GARIN4: variants seen among roughly 807,000 people sequenced by gnomAD.
GARIN4 encodes the protein Golgi-associated RAB2 interactor protein 4.
chr1:212,625,329 T>C, the GARIN4 span: 2 of 1,614,260 alleles, frequency 1.2e-6, no homozygotes, highest in South Asian at 2.2e-5. Context: ...TCTTGCTATC[T>C]GCAATTGTGT....
At chr1:212,625,366 C>G in the GARIN4 span, 4 of 1,614,256 alleles carry the variant, frequency 2.5e-6, no homozygotes, top group East Asian at 2.2e-5. Context: ...GGGATGACCT[C>G]TTTGCCTATT....
chr1:212,625,511 G>A, the GARIN4 span: 5 of 1,614,236 alleles, frequency 3.1e-6, no homozygotes, highest in Middle Eastern at 1.6e-4. Context: ...GAACCTTCAA[G>A]GAAAGGGGGA....
chr1:212,626,340 A>T, the GARIN4 span: 40 of 1,614,136 alleles, frequency 2.5e-5, no homozygotes, highest in African/African-American at 4.0e-4. Flanking sequence ...AGGCACAGGG[A>T]CTCGCATAAA....
At chr1:212,625,136 C>G in the GARIN4 span, 16 of 1,614,036 alleles carry the variant, frequency 9.9e-6, no homozygotes, top group Admixed American at 1.8e-4. Flanking sequence ...AGATGTCATG[C>G]TACTGGCACG....
the GARIN4 span, chr1:212,626,052 G>C: frequency 6.8e-6 from 11 of 1,614,102 alleles, no homozygotes; most frequent in African/African-American, 1.5e-4. Context: ...GCAGCAGCGG[G>C]ACCTCCCGTC....
At chr1:212,624,669 C>T in the GARIN4 span, 5 of 844,294 alleles carry the variant, frequency 5.9e-6, no homozygotes, top group Admixed American at 3.4e-5. Context: ...GCACCCCCCA[C>T]AGCAATCATC....
the GARIN4 span, chr1:212,624,523 T>A: frequency 5.8e-6 from 1 of 171,924 alleles, no homozygotes; most frequent in Non-Finnish European, 1.2e-5. Context: ...GTAGTCTCTC[T>A]CAGGGAGAGA....
the GARIN4 span, chr1:212,625,877 A>G: frequency 1.9e-6 from 3 of 1,614,266 alleles, no homozygotes; most frequent in Non-Finnish European, 2.5e-6. Flanking sequence ...AGGCACTGCC[A>G]GCATGGCTCC....
the GARIN4 span, chr1:212,625,349 G>A: frequency 6.2e-7 from 1 of 1,614,244 alleles, no homozygotes; most frequent in Admixed American, 1.7e-5. Flanking sequence ...TCCCGCTCTT[G>A]ACACACGGGA....
chr1:212,625,733 G>A, the GARIN4 span: 1 of 1,613,948 alleles, frequency 6.2e-7, no homozygotes, highest in South Asian at 1.1e-5. Flanking sequence ...GGCAGCTGCA[G>A]GGGCAGCAAC....
At chr1:212,626,762 T>C in the GARIN4 span, 1 of 1,480,080 alleles carries the variant, frequency 6.8e-7, no homozygotes, top group Non-Finnish European at 9.1e-7. Flanking sequence ...AAATAAAGAA[T>C]CATACATCTG....
At chr1:212,626,023 T>C in the GARIN4 span, 1 of 1,614,188 alleles carries the variant, frequency 6.2e-7, no homozygotes, top group Non-Finnish European at 8.5e-7. Flanking sequence ...GCAGGACAGC[T>C]GCAGAAGCAG....
chr1:212,625,914 G>C, the GARIN4 span: 1 of 1,614,192 alleles, frequency 6.2e-7, no homozygotes, highest in Non-Finnish European at 8.5e-7. Context: ...GCTGTGGCAG[G>C]GGCTGCAGGC....
chr1:212,626,429 G>A, the GARIN4 span: 78 of 1,614,196 alleles, frequency 4.8e-5, no homozygotes, highest in African/African-American at 6.8e-4. Context: ...CACCAGTTCC[G>A]GTTCCAGCAA....
chr1:212,626,445 T>C, the GARIN4 span: 1 of 1,614,138 alleles, frequency 6.2e-7, no homozygotes, highest in South Asian at 1.1e-5. Context: ...AGCAAGGGAC[T>C]TGGCAGGGTC....
chr1:212,625,611 A>G, the GARIN4 span: 6 of 1,614,250 alleles, frequency 3.7e-6, no homozygotes, highest in Non-Finnish European at 5.1e-6. Context: ...GAGGGACTCC[A>G]AAATGACTTT....
the GARIN4 span, chr1:212,626,278 A>G: frequency 1.2e-6 from 2 of 1,614,220 alleles, no homozygotes; most frequent in Non-Finnish European, 1.7e-6. Context: ...TCAGCCACAG[A>G]GCCAATAGAG....
the GARIN4 span, chr1:212,625,848 A>C: frequency 6.2e-7 from 1 of 1,614,254 alleles, no homozygotes. Context: ...GGAGGAAACA[A>C]AGGCAACATG....
chr1:212,625,278 A>G, the GARIN4 span: 5 of 1,614,236 alleles, frequency 3.1e-6, no homozygotes, highest in South Asian at 4.4e-5. Flanking sequence ...GTTCAAGACC[A>G]TGAGAAACAA....
Sources: allele counts gnomAD v4.1 joint callset, GRCh38; gene constraint gnomAD v4.1.1; transcripts MANE v1.5; gene names NCBI Gene and HGNC (gene_info 2026-07-23, HGNC 2026-07-21).